KIF6: variants seen among roughly 807,000 people sequenced by gnomAD.
KIF6 encodes the protein kinesin-like protein KIF6.
A neutral mutation model predicts 112.7 loss-of-function variants in KIF6; 106 were observed. The observed-to-expected ratio is 0.94, with a 90% confidence interval of 0.80 to 1.11. The LOEUF is 1.11. Ranked by LOEUF, KIF6 falls within the 50% of genes least tolerant of loss-of-function variation. KIF6 has a pLI of 0.00. For synonymous variants in KIF6, 339 were observed against 339.9 expected (o/e 1.00, Z 0.03); for missense variants, 929 against 964.0 (o/e 0.96, Z 0.48).
intron 5 of KIF6, among the ~76,000 whole-genome samples, chr6:39,624,151 T>C (rs1783966248): frequency 6.6e-6 from 1 of 152,158 alleles, no homozygotes; most frequent in African/African-American, 2.4e-5. Flanking sequence ...TGTACATACA[T>C]TATTAGTGGG....
chr6:39,673,690 G>A (rs1786970968), intron 3 of KIF6, among the ~76,000 whole-genome samples: 1 of 152,154 alleles, frequency 6.6e-6, no homozygotes, highest in Non-Finnish European at 1.5e-5. Flanking sequence ...CACTAAATAT[G>A]GGAATAAAGC....
chr6:39,670,123 C>A (rs1460867774), intron 3 of KIF6, among the ~76,000 whole-genome samples: 2 of 152,294 alleles, frequency 1.3e-5, no homozygotes, highest in Admixed American at 6.5e-5. Context: ...CATGTGGCTA[C>A]TCTGGGCGCG....
intron 3 of KIF6, among the ~76,000 whole-genome samples, chr6:39,667,092 T>C (rs533488598): frequency 1.4e-4 from 22 of 152,332 alleles, no homozygotes; most frequent in Admixed American, 1.0e-3. Flanking sequence ...AGCTTCCCGA[T>C]ACCAAATCTC....
At chr6:39,714,200 T>C (rs898444511) in intron 3 of KIF6, among the ~76,000 whole-genome samples, 2 of 152,160 alleles carry the variant, frequency 1.3e-5, no homozygotes, top group African/African-American at 2.4e-5. Context: ...ATTAGCTAGA[T>C]ATATTAAAGC....
rs1327293737 is a variant in KIF6 at position 39,564,922 on chromosome 6, A to G, written c.1181+13134T>C. Among the ~76,000 whole-genome samples, 5 of 152,252 alleles carry G rather than the reference A, an allele frequency of 3.3e-5. No individual in the cohort carries two copies. In the East Asian group the frequency reaches 9.6e-4, roughly 29 times the overall value. On this transcript the variant is annotated intron_variant, in intron 10 of 22. Coordinates refer to ENST00000287152, the MANE Select transcript of KIF6 (RefSeq NM_145027.6). ...CTTATTCCATTTGGAAGCATTGTCT[A>G]CTTTATCAGCACTAGGAAATCCTAC... is the stretch of plus-strand genomic sequence containing the variant.
At chr6:39,658,512 T>G (rs1785935404) in intron 3 of KIF6, among the ~76,000 whole-genome samples, 1 of 152,196 alleles carries the variant, frequency 6.6e-6, no homozygotes, top group Admixed American at 6.5e-5. Flanking sequence ...TTACAACATG[T>G]TTCCAATTCT....
At chr6:39,703,858 A>G (rs1789027422) in intron 3 of KIF6, among the ~76,000 whole-genome samples, 1 of 152,216 alleles carries the variant, frequency 6.6e-6, no homozygotes, top group Non-Finnish European at 1.5e-5. Flanking sequence ...GTTGTAATCA[A>G]TCACTACACA....
chr6:39,696,799 CAT>C (rs767586009), intron 3 of KIF6, among the ~76,000 whole-genome samples: 8 of 151,832 alleles, frequency 5.3e-5, no homozygotes, highest in Non-Finnish European at 1.2e-4. Context: ...CACACACACA[CAT>C]CTCAAAGTAT....
chr6:39,410,673 T>C (rs530122506), intron 15 of KIF6, among the ~76,000 whole-genome samples: 20 of 152,354 alleles, frequency 1.3e-4, no homozygotes, highest in African/African-American at 4.6e-4. Flanking sequence ...TGTACCTTAC[T>C]AATCACTATT....
Position 39,396,997 on chromosome 6 carries a change from CA to C in KIF6, c.1811-11326del, listed in dbSNP as rs377389775. Among the ~76,000 whole-genome samples, 668 of 152,266 alleles carry C rather than the reference CA, an allele frequency of 4.4e-3. 1 individual carries two copies. The highest frequency in any genetic ancestry group is 0.015 in the African/African-American group (623 of 41,556). Reference sequence around the variant, plus strand: ...AATTAACAAGTTATCGTGGGCCCAGCAGACTTTGCTGAAGTGCCTCTCTCCG... The same window carrying C: ...AATTAACAAGTTATCGTGGGCCCAGCGACTTTGCTGAAGTGCCTCTCTCCG... On this transcript the variant is annotated intron_variant, in intron 15 of 22. Coordinates refer to ENST00000287152, the MANE Select transcript of KIF6 (RefSeq NM_145027.6).
chr6:39,493,454 G>A (rs1287154181), intron 13 of KIF6, among the ~76,000 whole-genome samples: 2 of 152,166 alleles, frequency 1.3e-5, no homozygotes, highest in Non-Finnish European at 2.9e-5. Flanking sequence ...CAAGGCATGT[G>A]ACAGATTCTT....
chr6:39,637,759 G>A (rs1427499728), intron 4 of KIF6, among the ~76,000 whole-genome samples: 1 of 151,988 alleles, frequency 6.6e-6, no homozygotes, highest in African/African-American at 2.4e-5. Flanking sequence ...CACCGCAGCT[G>A]TTTGATTATA....
intron 5 of KIF6, among the ~76,000 whole-genome samples, 158 bp downstream of exon 5, chr6:39,634,691 A>G (rs1213425667): frequency 6.6e-6 from 1 of 151,928 alleles, no homozygotes; most frequent in Non-Finnish European, 1.5e-5. Flanking sequence ...TCCATTTGTC[A>G]TAACTGAAAA....
At chr6:39,638,647 C>T (rs1007204162) in intron 4 of KIF6, among the ~76,000 whole-genome samples, 1 of 152,052 alleles carries the variant, frequency 6.6e-6, no homozygotes, top group African/African-American at 2.4e-5. Flanking sequence ...TTCTTCTCAT[C>T]TTTGCAACTC....
chr6:39,366,022 C>G (rs987617937), intron 16 of KIF6, among the ~76,000 whole-genome samples: 1 of 152,242 alleles, frequency 6.6e-6, no homozygotes, highest in Non-Finnish European at 1.5e-5. Flanking sequence ...CAGCCCATGA[C>G]TGGTTGTCTT....
At chr6:39,462,467 T>A (rs999282107) in intron 13 of KIF6, among the ~76,000 whole-genome samples, 3 of 152,220 alleles carry the variant, frequency 2.0e-5, no homozygotes, top group East Asian at 3.8e-4. Flanking sequence ...TTGAACTTCA[T>A]TATAAGAAAT....
chr6:39,591,995 C>T (rs1781979085), intron 7 of KIF6, among the ~76,000 whole-genome samples: 1 of 152,066 alleles, frequency 6.6e-6, no homozygotes, highest in South Asian at 2.1e-4. Flanking sequence ...GCCTGTAGTC[C>T]CAGCTACTCG....
At chr6:39,482,202 C>G (rs1774844045) in intron 13 of KIF6, among the ~76,000 whole-genome samples, 1 of 152,168 alleles carries the variant, frequency 6.6e-6, no homozygotes, top group Non-Finnish European at 1.5e-5. Context: ...GGACACTGAG[C>G]CAAATTCTCA....
chr6:39,634,404 A>G (rs1480855748), intron 5 of KIF6, among the ~76,000 whole-genome samples: 5 of 152,160 alleles, frequency 3.3e-5, no homozygotes, highest in Admixed American at 2.0e-4. Context: ...ACCATAGTAG[A>G]GAAGCATTTG....
Sources: allele counts gnomAD v4.1 joint callset (sites outside exome capture counted in the v4.1 genomes callset), GRCh38; gene constraint gnomAD v4.1.1; transcripts MANE v1.5; gene names NCBI Gene and HGNC (gene_info 2026-07-23, HGNC 2026-07-21).